Variants in SPECC1 observed in about 807,000 individuals in gnomAD.
The protein encoded by SPECC1 is sperm antigen with calponin homology and coiled-coil domains 1.
A neutral mutation model predicts 104.1 loss-of-function variants in SPECC1; 62 were observed. The ratio of observed to expected loss-of-function variants is 0.60; its 90% CI spans 0.49 to 0.74. The LOEUF (loss-of-function observed/expected upper bound fraction) is 0.74, where lower values mean the gene tolerates loss of function less well. Ranked by LOEUF, SPECC1 falls within the 30% of genes least tolerant of loss-of-function variation. The pLI is 0.00. For missense variants in SPECC1, 1,306 were observed against 1,310.5 expected (o/e 1.00, Z 0.05); for synonymous variants, 513 against 501.6 (o/e 1.02, Z -0.30).
At chr17:20,142,156 T>C (rs2030890256) in intron 3 of SPECC1, among the ~76,000 whole-genome samples, 2 of 152,220 alleles carry the variant, frequency 1.3e-5, no homozygotes, top group African/African-American at 4.8e-5. Flanking sequence ...GCGTGTAAAG[T>C]CACTAAATTA....
At chr17:20,151,867 G>A (rs1387573564) in intron 3 of SPECC1, among the ~76,000 whole-genome samples, 5 of 152,036 alleles carry the variant, frequency 3.3e-5, no homozygotes, top group Non-Finnish European at 7.4e-5. Context: ...TGACCAACAT[G>A]GTGAAACCCT....
chr17:20,184,438 AG>A (rs2035124854), intron 3 of SPECC1, among the ~76,000 whole-genome samples: 1 of 152,156 alleles, frequency 6.6e-6, no homozygotes, highest in African/African-American at 2.4e-5. Flanking sequence ...TGATTATCCC[AG>A]GCAAGTAGGG....
intron 14 of SPECC1, among the ~76,000 whole-genome samples, chr17:20,313,068 C>T (rs2041973626): frequency 6.6e-6 from 1 of 152,148 alleles, no homozygotes; most frequent in Admixed American, 6.6e-5. Context: ...TGTCCAGTGG[C>T]ACAAATTTCA....
intron 13 of SPECC1, among the ~76,000 whole-genome samples, chr17:20,301,003 A>G (rs536119777): frequency 3.5e-4 from 54 of 152,182 alleles, no homozygotes; most frequent in Admixed American, 2.5e-3. Context: ...TGAAGGAACA[A>G]CCAGCCTCCT....
chr17:20,263,723 G>A (rs1179715729), intron 12 of SPECC1, among the ~76,000 whole-genome samples: 1 of 152,310 alleles, frequency 6.6e-6, no homozygotes, highest in East Asian at 1.9e-4. Context: ...CCACCTGACA[G>A]TAATGGACCA....
intron 7 of SPECC1, among the ~76,000 whole-genome samples, chr17:20,233,473 T>G (rs2038722831): frequency 6.6e-6 from 1 of 152,228 alleles, no homozygotes; most frequent in South Asian, 2.1e-4. Context: ...TGGGGAAGGA[T>G]GAAGATCAGA....
intron 12 of SPECC1, among the ~76,000 whole-genome samples, chr17:20,280,097 G>A (rs1426343998): frequency 6.6e-6 from 1 of 152,186 alleles, no homozygotes; most frequent in Non-Finnish European, 1.5e-5. Context: ...AGAGGTGCAT[G>A]GGAGGACAAT....
chr17:20,236,957 G>A (rs139284091), intron 7 of SPECC1: 4 of 1,609,716 alleles, frequency 2.5e-6, no homozygotes, highest in Non-Finnish European at 3.4e-6. Flanking sequence ...GATGAAAGGG[G>A]GAATGTGTAG....
chr17:20,191,227 C>T (rs1238999633), intron 3 of SPECC1, among the ~76,000 whole-genome samples: 2 of 152,152 alleles, frequency 1.3e-5, no homozygotes. Flanking sequence ...GTTTTTGACT[C>T]ATTTGGCTAA....
intron 1 of SPECC1, among the ~76,000 whole-genome samples, chr17:20,045,345 T>G (rs1443779543): frequency 3.3e-5 from 5 of 149,626 alleles, no homozygotes; most frequent in Non-Finnish European, 7.4e-5. Context: ...TATGGATTAT[T>G]TCTTGTTTTT....
rs142066819 is a variant in SPECC1, at chr17:20,251,411, G to A, written c.2599-2094G>A. The stretch of plus-strand genomic sequence containing the variant: ...ACATCATACTTAATGGTGAAATATC[G>A]GATGCTTTCCCACAGGATTGTGAAT... On this transcript the variant is annotated intron_variant, in intron 9 of 14. Coordinates refer to ENST00000395527, the MANE Select transcript of SPECC1 (RefSeq NM_001243439.2). 1.7e-4 allele frequency among the ~76,000 whole-genome samples: 26 copies of A among 151,972 alleles called. No individual in the cohort carries two copies. The East Asian group carries it at 4.8e-3, about 28-fold the overall frequency.
At chr17:20,018,543 A>C (rs1344435737) in intron 1 of SPECC1, among the ~76,000 whole-genome samples, 1 of 152,210 alleles carries the variant, frequency 6.6e-6, no homozygotes, top group Non-Finnish European at 1.5e-5. Flanking sequence ...GGCATGGGCC[A>C]CCATGCCCAG....
intron 13 of SPECC1, among the ~76,000 whole-genome samples, chr17:20,299,230 A>G (rs1219254106): frequency 6.6e-6 from 1 of 151,762 alleles, no homozygotes; most frequent in African/African-American, 2.4e-5. Flanking sequence ...AACTGGGGTC[A>G]TTTGCTTTGC....
At chr17:20,094,404 C>A (rs986151623) in intron 1 of SPECC1, among the ~76,000 whole-genome samples, 33 of 152,148 alleles carry the variant, frequency 2.2e-4, no homozygotes, top group African/African-American at 7.2e-4. Context: ...AAGTTTAGAT[C>A]TTTTAATTTT....
At chr17:20,279,696 T>C (rs2040702323) in intron 12 of SPECC1, among the ~76,000 whole-genome samples, 1 of 152,226 alleles carries the variant, frequency 6.6e-6, no homozygotes, top group Non-Finnish European at 1.5e-5. Context: ...TTTCAGTTAT[T>C]GCATATTATT....
chr17:20,205,279 T>G lies in SPECC1; in HGVS notation c.1230T>G (p.Ala410=), dbSNP rs1162674019. ...AACAAATGGTACAGGAATTGACAGC[T>G]GAAAATGAGAAGCTGGTGGATGAAA... ...DQQQMVQELT[A]ENEKLVDEKT... is the part of the protein sequence containing the mutation. The change falls in exon 4 of 15, where the codon GCT becomes GCG. Residue 410 remains alanine (A), a synonymous_variant. Transcript: ENST00000395527. 1 of 1,614,120 alleles carries G rather than the reference T, an allele frequency of 6.2e-7. No homozygotes were observed. Among genetic ancestry groups the G allele is most frequent in the Non-Finnish European group, 8.5e-7 (1 of 1,180,022 alleles).
At chr17:20,230,762 C>T (rs562331067) in intron 5 of SPECC1, among the ~76,000 whole-genome samples, 2 of 152,052 alleles carry the variant, frequency 1.3e-5, no homozygotes, top group Non-Finnish European at 2.9e-5. Flanking sequence ...GCACAGAGAC[C>T]TAGGGACACA....
In SPECC1 at chr17:20,317,667, A is replaced by T. The variant is rs2042057190; in HGVS notation, c.*3602A>T. On this transcript the variant is annotated 3_prime_UTR_variant, in exon 15 of 15. Coordinates refer to ENST00000395527, the MANE Select transcript of SPECC1 (RefSeq NM_001243439.2). ...CTTGAGCCCAGGAGTTTGAGGCTGC[A>T]GTAAGCTGTGTTTGTGCCACTGCAC... The T allele has an allele frequency of 4.9e-6, 1 of 202,878 alleles. No individual in the cohort carries two copies. The highest frequency in any genetic ancestry group is 1.9e-4 in the South Asian group (1 of 5,274). The allele number at this position is 202,878 out of a possible 1,614,324, so 12.6% of individuals were successfully genotyped here.
At chr17:20,028,134 G>A (rs536541727) in intron 1 of SPECC1, among the ~76,000 whole-genome samples, 1 of 151,590 alleles carries the variant, frequency 6.6e-6, no homozygotes, top group East Asian at 1.9e-4. Flanking sequence ...TTTTTTTCAT[G>A]TGACTATCTG....
Sources: allele counts gnomAD v4.1 joint callset (sites outside exome capture counted in the v4.1 genomes callset), GRCh38; gene constraint gnomAD v4.1.1; transcripts MANE v1.5; gene names NCBI Gene and HGNC (gene_info 2026-07-23, HGNC 2026-07-21).